Variants in GRM7 observed in about 807,000 individuals in gnomAD.
The protein encoded by GRM7 is metabotropic glutamate receptor 7.
A neutral mutation model predicts 84.5 loss-of-function variants in GRM7; 35 were observed. The observed-to-expected ratio is 0.41, with a 90% CI of 0.32 to 0.55. GRM7 has a LOEUF of 0.55. Among genes scored for constraint, GRM7 ranks in the 20% least tolerant of loss-of-function variants. GRM7 has a pLI of 0.19. For missense variants in GRM7, 1,003 were observed against 1,194.6 expected (o/e 0.84, Z 2.36); for synonymous variants, 487 against 455.1 (o/e 1.07, Z -0.89).
intron 7 of GRM7, among the ~76,000 whole-genome samples, chr3:7,473,340 G>A (rs1348683465): frequency 2.0e-5 from 3 of 152,100 alleles, no homozygotes; most frequent in Admixed American, 2.0e-4. Context: ...GGATGGGTGT[G>A]ATGGCACATG....
chr3:7,489,166 G>T (rs1699431543), intron 7 of GRM7, among the ~76,000 whole-genome samples: 1 of 151,998 alleles, frequency 6.6e-6, no homozygotes, highest in Non-Finnish European at 1.5e-5. Context: ...TTTGACTGTG[G>T]TTCACCATAA....
chr3:7,172,211 T>C (rs1235194962), intron 2 of GRM7, among the ~76,000 whole-genome samples: 1 of 152,208 alleles, frequency 6.6e-6, no homozygotes, highest in Non-Finnish European at 1.5e-5. Context: ...TGATAATTTT[T>C]TTTTAAGTAA....
chr3:7,365,615 C>G (rs1195757825), intron 4 of GRM7, among the ~76,000 whole-genome samples: 5 of 145,884 alleles, frequency 3.4e-5, no homozygotes, highest in African/African-American at 1.3e-4. Flanking sequence ...ATACAGTAGT[C>G]TGATTTAATA....
Position 7,572,861 on chromosome 3 carries a change from TATATATATATATATATATAA to T in GRM7, c.1516-5557_1516-5538del, listed in dbSNP as rs1283319869. Among the ~76,000 whole-genome samples, 6 of 58,610 alleles carry T rather than the reference TATATATATATATATATATAA, an allele frequency of 1.0e-4. 1 individual carries two copies. The highest frequency in any genetic ancestry group is 2.2e-4 in the African/African-American group (4 of 18,370). The allele number at this position is 58,610 out of a possible 152,430, so 38.5% of individuals were successfully genotyped here. A position where few individuals can be genotyped will look rare whatever the true frequency, so the allele number is the denominator to read the frequency against. On this transcript the variant is annotated intron_variant, in intron 7 of 9. Coordinates refer to ENST00000357716, the MANE Select transcript of GRM7 (RefSeq NM_000844.4). ...ATATATATATATATATATATATATATATATATATATATATATATAAATAATCTTTCTACCTATAATAATTC... is the reference window on the plus strand; with the variant it reads ...ATATATATATATATATATATATATATATAATCTTTCTACCTATAATAATTC...
At chr3:7,275,179 T>C (rs554151290) in intron 2 of GRM7, among the ~76,000 whole-genome samples, 2 of 152,328 alleles carry the variant, frequency 1.3e-5, no homozygotes, top group South Asian at 2.1e-4. Context: ...ATTACCCATC[T>C]GTTATATATG....
chr3:7,472,344 GAATGTGTAAATAGGAATGTT>G (rs574857497), intron 7 of GRM7, among the ~76,000 whole-genome samples: 18,917 of 152,186 alleles, frequency 0.12, 3,820 homozygotes, highest in African/African-American at 0.42. Context: ...GGAATGTTAT[GAATGTGTAAATAGGAATGTT>G]AAGTTTTATA....
chr3:6,936,188 T>C (rs1697687060), intron 1 of GRM7, among the ~76,000 whole-genome samples: 1 of 152,212 alleles, frequency 6.6e-6, no homozygotes, highest in South Asian at 2.1e-4. Flanking sequence ...CTCGGTGTTC[T>C]GCTCTTGCAG....
chr3:7,320,681 A>T (rs1000729820), intron 4 of GRM7, among the ~76,000 whole-genome samples: 1 of 141,156 alleles, frequency 7.1e-6, no homozygotes, highest in Non-Finnish European at 1.5e-5. Context: ...GTGGGTGATC[A>T]GTGTGTGTGT....
intron 8 of GRM7, among the ~76,000 whole-genome samples, chr3:7,604,449 T>A (rs1696465240): frequency 6.6e-6 from 1 of 152,160 alleles, no homozygotes; most frequent in African/African-American, 2.4e-5. Flanking sequence ...TTCCCCTGCA[T>A]TATCTATGAA....
At chr3:7,425,055 C>T (rs569945254) in intron 5 of GRM7, among the ~76,000 whole-genome samples, 1 of 152,256 alleles carries the variant, frequency 6.6e-6, no homozygotes, top group Admixed American at 6.5e-5. Flanking sequence ...TCCCAAGACC[C>T]TTGGAAAACT....
intron 4 of GRM7, among the ~76,000 whole-genome samples, chr3:7,368,689 C>G (rs548389340): frequency 6.0e-4 from 92 of 152,150 alleles, no homozygotes; most frequent in African/African-American, 2.1e-3. Context: ...CCTTAGTCTC[C>G]TAGTGAACAC....
chr3:7,177,553 G>A (rs1181048134), intron 2 of GRM7, among the ~76,000 whole-genome samples: 1 of 145,370 alleles, frequency 6.9e-6, no homozygotes, highest in Non-Finnish European at 1.5e-5. Context: ...AGGGAGGGAG[G>A]GAGGGAGGAA....
At chr3:7,202,662 A>G (rs945523584) in intron 2 of GRM7, among the ~76,000 whole-genome samples, 4 of 152,164 alleles carry the variant, frequency 2.6e-5, no homozygotes, top group Non-Finnish European at 5.9e-5. Context: ...AATAGCGTTC[A>G]TGCAAAAATG....
At chr3:7,117,872 C>G (rs1430409733) in intron 1 of GRM7, among the ~76,000 whole-genome samples, 2 of 152,026 alleles carry the variant, frequency 1.3e-5, no homozygotes. Context: ...TGAATGCTTC[C>G]CTTGTTTTCT....
chr3:7,307,592 A>G (rs1575148112), intron 4 of GRM7, among the ~76,000 whole-genome samples: 1 of 152,164 alleles, frequency 6.6e-6, no homozygotes, highest in East Asian at 1.9e-4. Flanking sequence ...TGGTTCTGTC[A>G]CTGTTTCCTT....
chr3:7,335,585 C>CA (rs990699581), intron 4 of GRM7, among the ~76,000 whole-genome samples: 2 of 151,176 alleles, frequency 1.3e-5, no homozygotes, highest in African/African-American at 2.4e-5. Context: ...GAAATTGAAA[C>CA]AAAAAAATAC....
chr3:7,175,243 G>A (rs1029312604), intron 2 of GRM7, among the ~76,000 whole-genome samples: 5 of 152,202 alleles, frequency 3.3e-5, no homozygotes, highest in Non-Finnish European at 7.3e-5. Flanking sequence ...GCAGCTGCTC[G>A]TAGCAGTCCT....
rs1360696211 is a variant in GRM7, at chr3:7,176,480, A to C, written c.736+29812A>C. 3.9e-5 allele frequency among the ~76,000 whole-genome samples: 6 copies of C among 152,122 alleles called. 1 individual carries two copies. The highest frequency in any genetic ancestry group is 2.6e-4 in the Admixed American group (4 of 15,266). ...CTTTATATTATGATTTTGCAAACTCATCCTTTCGTCTTTATTCATTCAGTG... is the reference window on the plus strand; with the variant it reads ...CTTTATATTATGATTTTGCAAACTCCTCCTTTCGTCTTTATTCATTCAGTG... On this transcript the variant is annotated intron_variant, in intron 2 of 9. Transcript: ENST00000357716.
intron 1 of GRM7, among the ~76,000 whole-genome samples, chr3:6,981,449 C>T (rs967109774): frequency 2.0e-5 from 3 of 152,110 alleles, no homozygotes; most frequent in Non-Finnish European, 2.9e-5. Context: ...TGAGTATCTT[C>T]GTTTCTTTTT....
Sources: allele counts gnomAD v4.1 joint callset (sites outside exome capture counted in the v4.1 genomes callset), GRCh38; gene constraint gnomAD v4.1.1; transcripts MANE v1.5; gene names NCBI Gene and HGNC (gene_info 2026-07-23, HGNC 2026-07-21).